The following HS3ST2 variants were observed in gnomAD, a reference collection of about 807,000 sequenced individuals.
The protein encoded by HS3ST2 is heparan sulfate-glucosamine 3-sulfotransferase 2, also known as heparan sulfate glucosamine 3-O-sulfotransferase 2.
In HS3ST2, 17 loss-of-function variants were observed where a neutral mutation model predicts 26.3. That is an observed-to-expected ratio of 0.65 (90% CI 0.44 to 0.97). The LOEUF (loss-of-function observed/expected upper bound fraction) is 0.97. Ranked by LOEUF, HS3ST2 falls within the 50% of genes least tolerant of loss-of-function variation. The pLI, the probability that HS3ST2 is intolerant of heterozygous loss-of-function variation, is 0.00. For missense variants in HS3ST2, 402 were observed against 501.2 expected, an observed-to-expected ratio of 0.80 and a Z score of 1.89; for synonymous variants, 237 against 219.2, an observed-to-expected ratio of 1.08 and a Z score of -0.72.
At chr16:22,857,265 A>C (rs1388311960) in intron 1 of HS3ST2, among the ~76,000 whole-genome samples, 2 of 152,208 alleles carry the variant, frequency 1.3e-5, no homozygotes, top group African/African-American at 4.8e-5. Context: ...GTATGAATGC[A>C]AATTGTTTCA....
At chr16:22,831,848 A>G (rs1901175063) in intron 1 of HS3ST2, among the ~76,000 whole-genome samples, 1 of 152,160 alleles carries the variant, frequency 6.6e-6, no homozygotes, top group African/African-American at 2.4e-5. Context: ...GGTGCTCTGT[A>G]GGGACACCCA....
At chr16:22,901,681 A>G (rs901449840) in intron 1 of HS3ST2, among the ~76,000 whole-genome samples, 1 of 152,228 alleles carries the variant, frequency 6.6e-6, no homozygotes, top group Non-Finnish European at 1.5e-5. Context: ...TACATGCAGC[A>G]GCAAAAACAT....
At chr16:22,872,060 G>A (rs933357035) in intron 1 of HS3ST2, among the ~76,000 whole-genome samples, 2 of 152,242 alleles carry the variant, frequency 1.3e-5, no homozygotes, top group African/African-American at 4.8e-5. Context: ...GTATACTTTA[G>A]ATACCCAACG....
chr16:22,816,252 G>A (rs1900866284), intron 1 of HS3ST2, among the ~76,000 whole-genome samples: 1 of 152,236 alleles, frequency 6.6e-6, no homozygotes, highest in Non-Finnish European at 1.5e-5. Context: ...ATGACGTTGG[G>A]GAGGGGTAAC....
chr16:22,846,540 C>A (rs1273712444), intron 1 of HS3ST2, among the ~76,000 whole-genome samples: 1 of 152,090 alleles, frequency 6.6e-6, no homozygotes, highest in Non-Finnish European at 1.5e-5. Flanking sequence ...TGGATGTTTA[C>A]GTGAACTCCT....
chr16:22,834,491 T>C (rs895387770), intron 1 of HS3ST2, among the ~76,000 whole-genome samples: 1 of 152,088 alleles, frequency 6.6e-6, no homozygotes, highest in African/African-American at 2.4e-5. Context: ...TTAAATAGCA[T>C]CTAGTTGGAT....
At chr16:22,880,285 G>A (rs12930908) in intron 1 of HS3ST2, among the ~76,000 whole-genome samples, 10,311 of 152,140 alleles carry the variant, frequency 0.068, 447 homozygotes, top group South Asian at 0.12. Context: ...TGGGTGTGGT[G>A]GCACACCTGT....
At chr16:22,873,083 A>G (rs1901860209) in intron 1 of HS3ST2, among the ~76,000 whole-genome samples, 1 of 152,218 alleles carries the variant, frequency 6.6e-6, no homozygotes, top group Non-Finnish European at 1.5e-5. Flanking sequence ...TTGAGGATTA[A>G]ATTATTCACA....
At chr16:22,879,059 A>G (rs1213717467) in intron 1 of HS3ST2, among the ~76,000 whole-genome samples, 1 of 152,240 alleles carries the variant, frequency 6.6e-6, no homozygotes, top group Non-Finnish European at 1.5e-5. Context: ...TGGCCGCTTC[A>G]TGCTCTGTTT....
intron 1 of HS3ST2, among the ~76,000 whole-genome samples, chr16:22,903,390 CA>C (rs1318709707): frequency 2.6e-5 from 4 of 152,168 alleles, no homozygotes; most frequent in Non-Finnish European, 5.9e-5. Context: ...TGTTTATGTC[CA>C]AAGCATCGAT....
At chr16:22,864,022 T>C (rs1205498514) in intron 1 of HS3ST2, among the ~76,000 whole-genome samples, 2 of 152,164 alleles carry the variant, frequency 1.3e-5, no homozygotes, top group Non-Finnish European at 2.9e-5. Context: ...CAAAGTAACA[T>C]ATAAACTTAA....
chr16:22,868,102 G>C (rs1326022303), intron 1 of HS3ST2, among the ~76,000 whole-genome samples: 3 of 152,066 alleles, frequency 2.0e-5, no homozygotes, highest in Admixed American at 2.0e-4. Context: ...ATACAAATAA[G>C]AACATTAAAA....
In HS3ST2 at chr16:22,856,387, G is replaced by A. The variant is rs80015524; in HGVS notation, c.485+41292G>A. ...ATATCTTTACTCAATATTCATTTCC[G>A]TGACCTGCAATTCCTTTCCCTGAGC... is the stretch of plus-strand genomic sequence containing the variant. On this transcript the variant is annotated intron_variant, in intron 1 of 1. Coordinates refer to ENST00000261374, the MANE Select transcript of HS3ST2 (RefSeq NM_006043.2). Among the ~76,000 whole-genome samples the A allele has an allele frequency of 8.7e-4, 133 of 152,258 alleles. 3 individuals carry two copies. In the East Asian group the frequency reaches 0.02, roughly 23 times the overall value.
At chr16:22,902,763 T>A (rs1902297621) in intron 1 of HS3ST2, among the ~76,000 whole-genome samples, 1 of 152,224 alleles carries the variant, frequency 6.6e-6, no homozygotes, top group Admixed American at 6.5e-5. Context: ...TATCTCATCA[T>A]GATTTTAGTT....
chr16:22,819,582 A>G (rs998947254), intron 1 of HS3ST2, among the ~76,000 whole-genome samples: 14 of 152,328 alleles, frequency 9.2e-5, no homozygotes, highest in Non-Finnish European at 1.6e-4. Context: ...ATGCATTGAA[A>G]TGCCAACAAG....
chr16:22,839,847 A>G (rs1474851017), intron 1 of HS3ST2, among the ~76,000 whole-genome samples: 1 of 152,162 alleles, frequency 6.6e-6, no homozygotes, highest in African/African-American at 2.4e-5. Context: ...AATGCATCCT[A>G]TTTCCGTGGA....
At chr16:22,871,051 C>G (rs1243835910) in intron 1 of HS3ST2, among the ~76,000 whole-genome samples, 1 of 152,130 alleles carries the variant, frequency 6.6e-6, no homozygotes, top group Non-Finnish European at 1.5e-5. Flanking sequence ...CTATTCAACA[C>G]TTTTCTTATA....
chr16:22,845,528 T>C (rs1340433125), intron 1 of HS3ST2, among the ~76,000 whole-genome samples: 3 of 151,696 alleles, frequency 2.0e-5, no homozygotes. Context: ...ATTTTTTGTA[T>C]TTTTAGTAGA....
In HS3ST2 at chr16:22,844,859, C is replaced by CT. The variant is rs927503503; in HGVS notation, c.485+29777dup. On this transcript the variant is annotated intron_variant, in intron 1 of 1. Transcript: ENST00000261374. ...CAGTTAAACCTCTTTTCTTTTCTTT[C>CT]TTTTTTTTTTTTTGAGATGGAGTCT... 2.1e-3 allele frequency among the ~76,000 whole-genome samples: 300 copies of CT among 145,308 alleles called. 2 individuals are homozygous for CT. Among genetic ancestry groups the CT allele is most frequent in the South Asian group, 8.2e-3 (37 of 4,536 alleles).
Sources: allele counts gnomAD v4.1 joint callset (sites outside exome capture counted in the v4.1 genomes callset), GRCh38; gene constraint gnomAD v4.1.1; transcripts MANE v1.5; gene names NCBI Gene and HGNC (gene_info 2026-07-23, HGNC 2026-07-21).